The following EPB41L2 variants were observed in gnomAD, a reference collection of about 807,000 sequenced individuals.
EPB41L2 encodes erythrocyte membrane protein band 4.1 like 2.
A neutral mutation model predicts 113.0 loss-of-function variants in EPB41L2; 43 were observed. The observed-to-expected ratio is 0.38, with a 90% confidence interval of 0.30 to 0.49. The LOEUF is 0.49. Among genes scored for constraint, EPB41L2 ranks in the 20% least tolerant of loss-of-function variants. The pLI, the probability that EPB41L2 is intolerant of heterozygous loss-of-function variation, is 0.95. For missense variants in EPB41L2, 1,147 were observed against 1,223.4 expected, an observed-to-expected ratio of 0.94 and a Z score of 0.93; for synonymous variants, 442 against 436.7, an observed-to-expected ratio of 1.01 and a Z score of -0.15.
chr6:130,880,667 T>C, intron 12 of EPB41L2: 1 of 423,256 alleles, frequency 2.4e-6, no homozygotes, highest in Admixed American at 4.2e-5. Flanking sequence ...ACCTACAGTG[T>C]TGTACGAATG....
At chr6:131,062,695 C>CGGGG (rs965316621) in intron 1 of EPB41L2, 4 of 151,554 alleles carry the variant, frequency 2.6e-5, no homozygotes, top group African/African-American at 4.8e-5. Context: ...CCCCTCCCCG[C>CGGGG]GGGGGGGATG....
chr6:130,972,937 C>CAAAAAAAAAAAAA lies in EPB41L2; in HGVS notation c.-14-16451_-14-16439dup, dbSNP rs57293132. ...TGAAACCCCATCTCTACTAAAGATA[C>CAAAAAAAAAAAAA]AAAAAAAAAAAAAAAAAAAAAAAAA... is the stretch of plus-strand genomic sequence containing the variant. On this transcript the variant is annotated intron_variant, in intron 1 of 19. Transcript: ENST00000337057. Among the ~76,000 whole-genome samples, 13 of 59,514 alleles carry CAAAAAAAAAAAAA rather than the reference C, an allele frequency of 2.2e-4. No individual in the cohort carries two copies. The South Asian group carries it at 2.4e-3, about 11-fold the overall frequency. 39.0% of individuals were successfully genotyped at this position (59,514 alleles called of 152,430 possible).
In EPB41L2 at chr6:130,967,455, G is replaced by A. The variant is rs150674818; in HGVS notation, c.-14-10956C>T. 4.1e-3 allele frequency among the ~76,000 whole-genome samples: 616 copies of A among 149,564 alleles called. 3 individuals carry two copies. The highest frequency in any genetic ancestry group is 0.014 in the African/African-American group (576 of 41,336). On this transcript the variant is annotated intron_variant, in intron 1 of 19. Coordinates refer to ENST00000337057, the MANE Select transcript of EPB41L2 (RefSeq NM_001431.4). The stretch of plus-strand genomic sequence containing the variant: ...ACTGGCTTTTGCTAACAATAATACC[G>A]GTGCATATGCAGGCAGCGTAAAAAG...
At chr6:130,951,265 AGG>A (rs1814853112) in intron 3 of EPB41L2, among the ~76,000 whole-genome samples, 1 of 1,022 alleles carries the variant, frequency 9.8e-4, no homozygotes, top group Non-Finnish European at 1.9e-3. Flanking sequence ...AAAAAAAAGG[AGG>A]GGGAGGGGGG....
At chr6:131,029,260 G>A (rs1791534389) in intron 1 of EPB41L2, among the ~76,000 whole-genome samples, 1 of 151,844 alleles carries the variant, frequency 6.6e-6, no homozygotes, top group South Asian at 2.1e-4. Flanking sequence ...TCCTTTAGTG[G>A]GCTATACTTG....
chr6:130,866,420 C>A (rs1783763805), intron 16 of EPB41L2, among the ~76,000 whole-genome samples: 1 of 152,160 alleles, frequency 6.6e-6, no homozygotes, highest in South Asian at 2.1e-4. Flanking sequence ...CGGTCCAGAG[C>A]CTTTCTGACT....
At position 130,959,752 on chromosome 6, in the gene EPB41L2, T is replaced by C. The variant is rs6935010; in HGVS notation, c.-14-3253A>G. Among the ~76,000 whole-genome samples, 993 of 152,332 alleles carry C rather than the reference T, an allele frequency of 6.5e-3. 18 individuals are homozygous for C. The highest frequency in any genetic ancestry group is 0.023 in the African/African-American group (957 of 41,564). On this transcript the variant is annotated intron_variant, in intron 1 of 19. Coordinates refer to ENST00000337057, the MANE Select transcript of EPB41L2 (RefSeq NM_001431.4). ...CTTTAATCATGAAATAACCAAAGTGTATTTCTAGTATATGCTCTCTAATTA... is the reference window on the plus strand; with the variant it reads ...CTTTAATCATGAAATAACCAAAGTGCATTTCTAGTATATGCTCTCTAATTA...
intron 1 of EPB41L2, among the ~76,000 whole-genome samples, chr6:130,957,358 T>A (rs2128625027): frequency 6.6e-6 from 1 of 152,332 alleles, no homozygotes; most frequent in South Asian, 2.1e-4. Flanking sequence ...ACTTTTAAAG[T>A]GTTACAGCAC....
chr6:130,898,008 T>C (rs559431612), intron 8 of EPB41L2, among the ~76,000 whole-genome samples: 10 of 147,764 alleles, frequency 6.8e-5, no homozygotes, highest in African/African-American at 2.3e-4. Flanking sequence ...AAAAATCTTA[T>C]AATAGTAAGT....
intron 1 of EPB41L2, among the ~76,000 whole-genome samples, chr6:131,038,764 T>C (rs1232540276): frequency 6.6e-6 from 1 of 152,232 alleles, no homozygotes; most frequent in African/African-American, 2.4e-5. Context: ...TTATTTGTAC[T>C]GCTGCCCAAC....
intron 1 of EPB41L2, among the ~76,000 whole-genome samples, chr6:131,033,543 T>C (rs996814905): frequency 6.6e-6 from 1 of 152,140 alleles, no homozygotes. Flanking sequence ...AACAAAAATG[T>C]CCAACAATAG....
chr6:130,898,790 C>T (rs1312605105), intron 8 of EPB41L2, among the ~76,000 whole-genome samples: 1 of 152,076 alleles, frequency 6.6e-6, no homozygotes, highest in Non-Finnish European at 1.5e-5. Flanking sequence ...CTCAAATCCC[C>T]CCTTAAAAAC....
At chr6:130,975,585 G>T (rs1198953775) in intron 1 of EPB41L2, among the ~76,000 whole-genome samples, 2 of 152,126 alleles carry the variant, frequency 1.3e-5, no homozygotes, top group African/African-American at 2.4e-5. Context: ...TGAGGAAGAA[G>T]AATTCCTTTT....
chr6:131,030,071 C>T (rs1791797973), intron 1 of EPB41L2, among the ~76,000 whole-genome samples: 1 of 134,824 alleles, frequency 7.4e-6, no homozygotes, highest in South Asian at 2.3e-4. Flanking sequence ...GTTATCTGCT[C>T]CCTACCAGGA....
chr6:130,926,046 TTGCTC>T (rs903698910), intron 4 of EPB41L2, among the ~76,000 whole-genome samples: 2 of 152,246 alleles, frequency 1.3e-5, no homozygotes, highest in Non-Finnish European at 2.9e-5. Flanking sequence ...CTTCTATTGA[TTGCTC>T]TGTTCTGCTG....
At chr6:131,009,540 A>C (rs1786418900) in intron 1 of EPB41L2, among the ~76,000 whole-genome samples, 1 of 152,102 alleles carries the variant, frequency 6.6e-6, no homozygotes, top group Non-Finnish European at 1.5e-5. Flanking sequence ...ATAAAGCAAA[A>C]AAAAATTATA....
At chr6:131,001,141 G>A (rs1393809479) in intron 1 of EPB41L2, among the ~76,000 whole-genome samples, 5 of 151,992 alleles carry the variant, frequency 3.3e-5, no homozygotes, top group East Asian at 1.9e-4. Context: ...AAATGAGTGC[G>A]TACATGCTAT....
At chr6:131,014,077 A>C (rs1272003486) in intron 1 of EPB41L2, 1 of 151,632 alleles carries the variant, frequency 6.6e-6, no homozygotes, top group Non-Finnish European at 1.5e-5. Context: ...AAAAAAAAAA[A>C]AAACTCAGGC....
At chr6:130,906,903 G>A (rs2128507044) in intron 5 of EPB41L2, among the ~76,000 whole-genome samples, 1 of 152,208 alleles carries the variant, frequency 6.6e-6, no homozygotes, top group South Asian at 2.1e-4. Flanking sequence ...GGTTCCAACA[G>A]TTTTAAAAAG....
Sources: allele counts gnomAD v4.1 joint callset (sites outside exome capture counted in the v4.1 genomes callset), GRCh38; gene constraint gnomAD v4.1.1; transcripts MANE v1.5; gene names NCBI Gene and HGNC (gene_info 2026-07-23, HGNC 2026-07-21).